Variants in RFTN1 observed in about 807,000 individuals in gnomAD.
The protein encoded by RFTN1 is raftlin.
A neutral mutation model predicts 46.5 loss-of-function variants in RFTN1; 26 were observed. The observed-to-expected ratio is 0.56, with a 90% CI of 0.41 to 0.78. RFTN1 has a LOEUF of 0.78. Ranked by LOEUF, RFTN1 falls within the 30% of genes least tolerant of loss-of-function variation. The probability of loss-of-function intolerance (pLI) is 0.00; values close to 1 mark genes in which losing one functional copy is unlikely to be tolerated. For missense variants in RFTN1, 693 were observed against 718.7 expected (o/e 0.96, Z 0.41); for synonymous variants, 261 against 284.2 (o/e 0.92, Z 0.82).
chr3:16,418,646 C>A lies in RFTN1; in HGVS notation c.333-9163G>T, dbSNP rs2075128523. On this transcript the variant is annotated intron_variant, in intron 3 of 9. Coordinates refer to ENST00000334133, the MANE Select transcript of RFTN1 (RefSeq NM_015150.2). The surrounding 1 kb of genome is among the most constrained non-coding windows in gnomAD (Gnocchi z 5.0). Reference sequence around the variant, plus strand: ...AAGATTTTTGTTTCCCAAAGCAACACCAAGCTCAAATAGAATAATCAGAAC... The same window carrying A: ...AAGATTTTTGTTTCCCAAAGCAACAACAAGCTCAAATAGAATAATCAGAAC... Among the ~76,000 whole-genome samples the A allele has an allele frequency of 2.7e-5, 4 of 150,566 alleles. No individual in the cohort carries two copies. The highest frequency in any genetic ancestry group is 2.0e-4 in the Admixed American group (3 of 15,106).
In RFTN1 at chr3:16,385,241, A is replaced by G. The variant is rs1210918140; in HGVS notation, c.442-7139T>C. Among the ~76,000 whole-genome samples, 11 of 152,230 alleles carry G rather than the reference A, an allele frequency of 7.2e-5. No individual in the cohort carries two copies. The South Asian group carries it at 1.9e-3, about 26-fold the overall frequency. ...CAACCCTTCCCATCTTGTCACCTAC[A>G]CTCTTGTACAGCTTTCTGAAAAGGG... On this transcript the variant is annotated intron_variant, in intron 4 of 9. Coordinates refer to ENST00000334133, the MANE Select transcript of RFTN1 (RefSeq NM_015150.2). The surrounding 1 kb of genome is among the most constrained non-coding windows in gnomAD (Gnocchi z 5.0).
chr3:16,434,387 AAC>A (rs766626366), intron 2 of RFTN1, among the ~76,000 whole-genome samples: 3 of 132,822 alleles, frequency 2.3e-5, no homozygotes, highest in African/African-American at 5.5e-5. Context: ...CAAACAAACA[AAC>A]AAACAAAAAC....
Position 16,334,962 on chromosome 3 carries a change from G to A in RFTN1, c.1147-8086C>T, listed in dbSNP as rs1430801556. On this transcript the variant is annotated intron_variant, in intron 7 of 9. Transcript: ENST00000334133. The surrounding 1 kb of genome is among the most constrained non-coding windows in gnomAD (Gnocchi z 4.3). ...GAGTGATGCAGGGAAGGGGCCACGA[G>A]CCAAGGAACATGGGCAGCTTCCAGA... Among the ~76,000 whole-genome samples, 1 of 152,212 alleles carries A rather than the reference G, an allele frequency of 6.6e-6. No individual in the cohort carries two copies. Among genetic ancestry groups the A allele is most frequent in the Non-Finnish European group, 1.5e-5 (1 of 68,030 alleles).
rs2075337909 is a variant in RFTN1, at chr3:16,429,071, A to T, written c.332+4780T>A. ...ATATTCAGCTATTCATTCTTGAGTC[A>T]AAGTAACTTGAGTCAAAGTAACTGA... On this transcript the variant is annotated intron_variant, in intron 3 of 9. Coordinates refer to ENST00000334133, the MANE Select transcript of RFTN1 (RefSeq NM_015150.2). The surrounding 1 kb of genome is among the most constrained non-coding windows in gnomAD (Gnocchi z 6.4). Among the ~76,000 whole-genome samples, 1 of 152,250 alleles carries T rather than the reference A, an allele frequency of 6.6e-6. No homozygotes were observed. The highest frequency in any genetic ancestry group is 1.5e-5 in the Non-Finnish European group (1 of 68,046).
At chr3:16,437,593 C>T (rs1469559904) in intron 2 of RFTN1, among the ~76,000 whole-genome samples, 3 of 151,934 alleles carry the variant, frequency 2.0e-5, no homozygotes, top group Non-Finnish European at 4.4e-5. Flanking sequence ...CCAGAGAGGT[C>T]AAGGATGCAG....
intron 2 of RFTN1, among the ~76,000 whole-genome samples, chr3:16,462,937 C>T (rs575134939): frequency 2.0e-5 from 3 of 152,076 alleles, no homozygotes; most frequent in South Asian, 2.1e-4. Flanking sequence ...AGTAAAGAAG[C>T]GGAAGAATGC....
rs759797034 is a variant in RFTN1 at position 16,316,403 on chromosome 3, G to A, written c.*425C>T. 36 of 212,104 alleles carry A rather than the reference G, an allele frequency of 1.7e-4. No homozygotes were observed. The highest frequency in any genetic ancestry group is 2.9e-4 in the Non-Finnish European group (31 of 107,472). The allele number at this position is 212,104 out of a possible 1,614,324, so 13.1% of individuals were successfully genotyped here. On this transcript the variant is annotated 3_prime_UTR_variant, in exon 10 of 10. Transcript: ENST00000334133. The surrounding 1 kb of genome is among the most constrained non-coding windows in gnomAD (Gnocchi z 4.5). The stretch of plus-strand genomic sequence containing the variant: ...GTTAAGTCACCAAGTAGCTGCAGGG[G>A]ATGGACACTGCCCCACACGATGTGG...
At position 16,425,765 on chromosome 3, in the gene RFTN1, C is replaced by T. The variant is rs2075278015; in HGVS notation, c.332+8086G>A. Among the ~76,000 whole-genome samples the T allele has an allele frequency of 6.6e-6, 1 of 151,976 alleles. No individual in the cohort carries two copies. The highest frequency in any genetic ancestry group is 1.5e-5 in the Non-Finnish European group (1 of 68,006). Reference sequence around the variant, plus strand: ...AACGGTGAATCCTGAAACTTCAACACACCAGAAAAGGGTGTCACTCCAGAG... The same window carrying T: ...AACGGTGAATCCTGAAACTTCAACATACCAGAAAAGGGTGTCACTCCAGAG... On this transcript the variant is annotated intron_variant, in intron 3 of 9. Transcript: ENST00000334133. This position sits in a 1 kb window ranked among gnomAD's most constrained non-coding sequence, Gnocchi z 4.3.
rs2076665422 is a variant in RFTN1 at position 16,498,891 on chromosome 3, A to G, written c.-8-5014T>C. On this transcript the variant is annotated intron_variant, in intron 1 of 9. Coordinates refer to ENST00000334133, the MANE Select transcript of RFTN1 (RefSeq NM_015150.2). The surrounding 1 kb of genome is among the most constrained non-coding windows in gnomAD (Gnocchi z 5.2). ...AAAAGTAGGAAAAATCAGCTGTAAC[A>G]GTGACTTGCACACTATTGTAGAGTT... 6.6e-6 allele frequency among the ~76,000 whole-genome samples: 1 copy of G among 152,260 alleles called. No homozygotes were observed. Among genetic ancestry groups the G allele is most frequent in the African/African-American group, 2.4e-5 (1 of 41,470 alleles).
intron 4 of RFTN1, among the ~76,000 whole-genome samples, chr3:16,401,726 C>T (rs2074606870): frequency 6.6e-6 from 1 of 152,210 alleles, no homozygotes; most frequent in South Asian, 2.1e-4. Context: ...CTAGATCTTG[C>T]AGTCTTTTTA....
At chr3:16,340,015 G>A (rs996100407) in intron 7 of RFTN1, 7 of 152,164 alleles carry the variant, frequency 4.6e-5, no homozygotes, top group Admixed American at 4.6e-4. Flanking sequence ...ATTTTTATGG[G>A]TATTTTGCAT....
intron 5 of RFTN1, among the ~76,000 whole-genome samples, chr3:16,371,608 C>T (rs145038818): frequency 8.5e-5 from 13 of 152,350 alleles, no homozygotes; most frequent in African/African-American, 2.2e-4. Context: ...TAGGGACCAA[C>T]GCTGGGCCAT....
In RFTN1 at chr3:16,384,524, T is replaced by TAAAGGA. The variant is rs1206007375; in HGVS notation, c.442-6428_442-6423dup. Among the ~76,000 whole-genome samples the TAAAGGA allele has an allele frequency of 6.6e-6, 1 of 152,136 alleles. No homozygotes were observed. Among genetic ancestry groups the TAAAGGA allele is most frequent in the Non-Finnish European group, 1.5e-5 (1 of 68,034 alleles). On this transcript the variant is annotated intron_variant, in intron 4 of 9. Coordinates refer to ENST00000334133, the MANE Select transcript of RFTN1 (RefSeq NM_015150.2). The surrounding 1 kb of genome is among the most constrained non-coding windows in gnomAD (Gnocchi z 4.7). ...CTTTCAGCCATCACTGTTGCCCAGGTAAAGGAAATTTCCCCCATTGTGCTT... is the reference window on the plus strand; with the variant it reads ...CTTTCAGCCATCACTGTTGCCCAGGTAAAGGAAAAGGAAATTTCCCCCATTGTGCTT...
At position 16,340,882 on chromosome 3, in the gene RFTN1, A is replaced by G. The variant is rs573278554; in HGVS notation, c.1147-14006T>C. The stretch of plus-strand genomic sequence containing the variant: ...AGAATGAGAAGACAAGTCAAAGACT[A>G]GGAGAAATATCTGCAAAAGCCATAT... On this transcript the variant is annotated intron_variant, in intron 7 of 9. Transcript: ENST00000334133. Among the ~76,000 whole-genome samples, 29 of 152,364 alleles carry G rather than the reference A, an allele frequency of 1.9e-4. No homozygotes were observed. The East Asian group carries it at 5.4e-3, about 28-fold the overall frequency.
chr3:16,394,559 T>C (rs1199381443), intron 4 of RFTN1, among the ~76,000 whole-genome samples: 2 of 151,578 alleles, frequency 1.3e-5, no homozygotes, highest in Non-Finnish European at 2.9e-5. Context: ...GGAAGGGGAG[T>C]GGGGAATTGT....
intron 7 of RFTN1, among the ~76,000 whole-genome samples, chr3:16,357,172 A>G (rs2072508289): frequency 6.6e-6 from 1 of 151,886 alleles, no homozygotes; most frequent in African/African-American, 2.4e-5. Flanking sequence ...CCAAGAATTC[A>G]GTTCTCTATG....
At chr3:16,487,403 G>C (rs1332489199) in intron 2 of RFTN1, among the ~76,000 whole-genome samples, 1 of 152,222 alleles carries the variant, frequency 6.6e-6, no homozygotes, top group East Asian at 1.9e-4. Context: ...CTTGAAAACA[G>C]ACTAGAACAG....
chr3:16,493,695 C>A, intron 2 of RFTN1, 30 bp downstream of exon 2: 1 of 1,598,150 alleles, frequency 6.3e-7, no homozygotes. Context: ...ACCCCACCTG[C>A]CCCCATCCAT....
Position 16,374,906 on chromosome 3 carries a change from G to T in RFTN1, c.826+2812C>A, listed in dbSNP as rs549449023. ...GAGGCGTGACGGCTGCACCGAGCCC[G>T]CAGAGATGGGGAGGGACGACCTGCC... On this transcript the variant is annotated intron_variant, in intron 5 of 9. Coordinates refer to ENST00000334133, the MANE Select transcript of RFTN1 (RefSeq NM_015150.2). The surrounding 1 kb of genome is among the most constrained non-coding windows in gnomAD (Gnocchi z 5.4). 1.3e-5 allele frequency among the ~76,000 whole-genome samples: 2 copies of T among 152,186 alleles called. No individual in the cohort carries two copies. Among genetic ancestry groups the T allele is most frequent in the African/African-American group, 4.8e-5 (2 of 41,452 alleles).
Sources: allele counts gnomAD v4.1 joint callset (sites outside exome capture counted in the v4.1 genomes callset), GRCh38; gene constraint gnomAD v4.1.1; non-coding constraint Gnocchi (gnomAD v3.1); transcripts MANE v1.5; gene names NCBI Gene and HGNC (gene_info 2026-07-23, HGNC 2026-07-21).